The following SAXO1 variants were observed in gnomAD, a reference collection of about 807,000 sequenced individuals.
SAXO1 encodes the protein stabilizer of axonemal microtubules 1.
A neutral mutation model predicts 17.5 loss-of-function variants in SAXO1; 21 were observed. The ratio of observed to expected loss-of-function variants is 1.20; its 90% CI spans 0.85 to 1.72. The LOEUF is 1.72. Among genes scored for constraint, SAXO1 ranks in the 40% most tolerant of loss-of-function variants. The pLI, the probability that SAXO1 is intolerant of heterozygous loss-of-function variation, is 0.00. For synonymous variants in SAXO1, 274 were observed against 216.5 expected, an observed-to-expected ratio of 1.27 and a Z score of -2.33; for missense variants, 843 against 596.0, an observed-to-expected ratio of 1.41 and a Z score of -4.32.
At chr9:18,986,947 A>G (rs140557237) in intron 1 of SAXO1, among the ~76,000 whole-genome samples, 6 of 152,348 alleles carry the variant, frequency 3.9e-5, no homozygotes, top group African/African-American at 1.4e-4. Context: ...TAATTTGCAT[A>G]AAGACTTCAT....
chr9:18,977,993 C>CAAAAAAAAAAAAA (rs371914686), intron 1 of SAXO1, among the ~76,000 whole-genome samples: 2 of 98,662 alleles, frequency 2.0e-5, no homozygotes, highest in African/African-American at 8.4e-5. Context: ...GAGACCCTGC[C>CAAAAAAAAAAAAA]AAAAAAAAAA....
intron 1 of SAXO1, among the ~76,000 whole-genome samples, chr9:18,959,110 C>G (rs993677493): frequency 2.0e-5 from 3 of 152,056 alleles, no homozygotes; most frequent in Admixed American, 2.0e-4. Flanking sequence ...GGGGTGGGGA[C>G]AAGGACTCAG....
intron 1 of SAXO1, among the ~76,000 whole-genome samples, chr9:19,009,613 A>C (rs926826413): frequency 6.6e-6 from 1 of 152,144 alleles, no homozygotes; most frequent in Non-Finnish European, 1.5e-5. Context: ...ACACAGAATG[A>C]AATGGAACAA....
chr9:18,992,497 A>G (rs1262198228), intron 1 of SAXO1, among the ~76,000 whole-genome samples: 2 of 152,190 alleles, frequency 1.3e-5, no homozygotes, highest in Non-Finnish European at 2.9e-5. Context: ...AAGACTCTTT[A>G]CCAAATAAGA....
intron 3 of SAXO1, among the ~76,000 whole-genome samples, chr9:18,932,720 G>A (rs533447897): frequency 6.6e-6 from 1 of 152,208 alleles, no homozygotes. Flanking sequence ...GCAATCGTTG[G>A]TAGCTTTCAG....
intron 3 of SAXO1, 142 bp from the exon 4 acceptor site, chr9:18,929,197 C>A: frequency 1.1e-6 from 1 of 933,480 alleles, no homozygotes; most frequent in Non-Finnish European, 1.6e-6. Context: ...TCCCTGCTAC[C>A]ACTTCATTCA....
chr9:18,968,642 G>A (rs1442571612), intron 1 of SAXO1, among the ~76,000 whole-genome samples: 1 of 151,192 alleles, frequency 6.6e-6, no homozygotes, highest in African/African-American at 2.4e-5. Context: ...TGCCTAGGCT[G>A]GAATGCAGTG....
intron 1 of SAXO1, among the ~76,000 whole-genome samples, chr9:19,020,511 C>A (rs1835178570): frequency 6.6e-6 from 1 of 152,096 alleles, no homozygotes; most frequent in Non-Finnish European, 1.5e-5. Flanking sequence ...ACCACCATAA[C>A]CAGCTAATTT....
intron 1 of SAXO1, among the ~76,000 whole-genome samples, chr9:18,965,627 A>G (rs1185623363): frequency 6.7e-6 from 1 of 149,246 alleles, no homozygotes; most frequent in Non-Finnish European, 1.5e-5. Context: ...CTTTATTTTG[A>G]GCCTATGTGT....
chr9:18,962,026 G>C (rs928744001), intron 1 of SAXO1, among the ~76,000 whole-genome samples: 1 of 152,090 alleles, frequency 6.6e-6, no homozygotes, highest in African/African-American at 2.4e-5. Flanking sequence ...ATTCTGACTG[G>C]TGTGAGATGG....
intron 3 of SAXO1, among the ~76,000 whole-genome samples, chr9:18,936,489 G>A (rs1831297712): frequency 6.6e-6 from 1 of 152,130 alleles, no homozygotes; most frequent in Non-Finnish European, 1.5e-5. Flanking sequence ...GATGGATGAA[G>A]TGTTAACAAA....
At chr9:18,955,915 C>T (rs763261266) in intron 1 of SAXO1, among the ~76,000 whole-genome samples, 4 of 148,874 alleles carry the variant, frequency 2.7e-5, no homozygotes, top group African/African-American at 1.0e-4. Flanking sequence ...ACTGCACAGC[C>T]TTGCATGAGC....
chr9:18,960,427 T>C (rs1461690817), intron 1 of SAXO1, among the ~76,000 whole-genome samples: 2 of 152,116 alleles, frequency 1.3e-5, no homozygotes, highest in East Asian at 3.9e-4. Context: ...GCCTTCCCTG[T>C]TACTTCCCTG....
chr9:19,042,715 AGC>A (rs1836105915), intron 1 of SAXO1, among the ~76,000 whole-genome samples: 3 of 152,198 alleles, frequency 2.0e-5, no homozygotes, highest in Non-Finnish European at 4.4e-5. Context: ...ATACAAAATT[AGC>A]CAGGCATGGT....
chr9:18,993,513 C>G (rs573473906), intron 1 of SAXO1, among the ~76,000 whole-genome samples: 3 of 152,296 alleles, frequency 2.0e-5, no homozygotes, highest in Admixed American at 1.3e-4. Flanking sequence ...AAGGTGCAGA[C>G]ATGTCCCATG....
At chr9:18,946,587 A>G (rs774333703) in intron 2 of SAXO1, among the ~76,000 whole-genome samples, 9 of 152,086 alleles carry the variant, frequency 5.9e-5, no homozygotes, top group Non-Finnish European at 1.2e-4. Context: ...AGGTGTCCAC[A>G]ATGTAGCAAC....
At chr9:18,985,148 C>T (rs893431735) in intron 1 of SAXO1, among the ~76,000 whole-genome samples, 6 of 150,438 alleles carry the variant, frequency 4.0e-5, no homozygotes, top group African/African-American at 1.5e-4. Flanking sequence ...CGAGAATGGC[C>T]GATTGGTGGA....
At chr9:18,938,499 G>A (rs1222574839) in intron 3 of SAXO1, among the ~76,000 whole-genome samples, 3 of 152,044 alleles carry the variant, frequency 2.0e-5, no homozygotes, top group Non-Finnish European at 4.4e-5. Context: ...GCAGATCTCA[G>A]GGGAACTCAC....
chr9:19,026,354 A>T (rs1214689315), intron 1 of SAXO1, among the ~76,000 whole-genome samples: 2 of 152,206 alleles, frequency 1.3e-5, no homozygotes, highest in Non-Finnish European at 2.9e-5. Context: ...TGATTGACCT[A>T]AATTGTGCCT....
Sources: allele counts gnomAD v4.1 joint callset (sites outside exome capture counted in the v4.1 genomes callset), GRCh38; gene constraint gnomAD v4.1.1; transcripts MANE v1.5; gene names NCBI Gene and HGNC (gene_info 2026-07-23, HGNC 2026-07-21).